The following CMIP variants were observed in gnomAD, a reference collection of about 807,000 sequenced individuals.
CMIP encodes C-Maf-inducing protein.
In CMIP, 13 loss-of-function variants were observed where a neutral mutation model predicts 97.3. The ratio of observed to expected loss-of-function variants is 0.13; its 90% CI spans 0.09 to 0.21. The LOEUF (loss-of-function observed/expected upper bound fraction) is 0.21. Among genes scored for constraint, CMIP ranks in the 10% least tolerant of loss-of-function variants. CMIP has a pLI of 1.00. For missense variants in CMIP, 847 were observed against 1,024.9 expected, an observed-to-expected ratio of 0.83 and a Z score of 2.37; for synonymous variants, 538 against 436.3, an observed-to-expected ratio of 1.23 and a Z score of -2.91.
intron 1 of CMIP, among the ~76,000 whole-genome samples, chr16:81,487,741 A>G (rs2089340769): frequency 6.6e-6 from 1 of 152,216 alleles, no homozygotes; most frequent in African/African-American, 2.4e-5. Flanking sequence ...GTGAGGATTA[A>G]AGGAAAAAAC....
intron 1 of CMIP, among the ~76,000 whole-genome samples, chr16:81,490,588 C>G (rs1226320030): frequency 6.6e-6 from 1 of 152,188 alleles, no homozygotes; most frequent in African/African-American, 2.4e-5. Context: ...CCATCGCACT[C>G]TAGCCTGGGC....
chr16:81,687,978 T>C (rs981103893), intron 10 of CMIP, among the ~76,000 whole-genome samples: 1 of 152,222 alleles, frequency 6.6e-6, no homozygotes, highest in Non-Finnish European at 1.5e-5. Flanking sequence ...GTAGATCCCA[T>C]GAGCGAACAC....
At chr16:81,484,061 G>A (rs555273788) in intron 1 of CMIP, among the ~76,000 whole-genome samples, 3 of 152,142 alleles carry the variant, frequency 2.0e-5, no homozygotes, top group Admixed American at 6.5e-5. Context: ...GGGTTTCTGC[G>A]AGATGTGAGA....
intron 2 of CMIP, among the ~76,000 whole-genome samples, chr16:81,610,821 G>A (rs566073391): frequency 2.6e-5 from 4 of 152,248 alleles, no homozygotes; most frequent in South Asian, 2.1e-4. Flanking sequence ...CTTTTGTGAC[G>A]GGTGGCAGGA....
At chr16:81,645,651 T>TGACTCTGCCAGACGGGAAGCAGGA (rs2092356353) in intron 3 of CMIP, 2 of 1,526,980 alleles carry the variant, frequency 1.3e-6, no homozygotes, top group Middle Eastern at 1.7e-4. Flanking sequence ...CTGGAGTGGC[T>TGACTCTGCCAGACGGGAAGCAGGA]GACTCTGCCA....
chr16:81,553,510 G>C (rs1567575358), intron 1 of CMIP, among the ~76,000 whole-genome samples: 4 of 151,998 alleles, frequency 2.6e-5, no homozygotes, highest in South Asian at 2.1e-4. Context: ...TCCAAACAGA[G>C]CCCACTGCCT....
At chr16:81,662,204 C>G (rs528832828) in intron 6 of CMIP, among the ~76,000 whole-genome samples, 1 of 152,196 alleles carries the variant, frequency 6.6e-6, no homozygotes, top group Non-Finnish European at 1.5e-5. Context: ...TTAACCCAAA[C>G]CTGCCCCATG....
At chr16:81,661,949 G>T (rs566748695) in intron 6 of CMIP, among the ~76,000 whole-genome samples, 2 of 152,236 alleles carry the variant, frequency 1.3e-5, no homozygotes, top group Admixed American at 1.3e-4. Flanking sequence ...TCCTTAATGT[G>T]GGCATGTGCA....
At chr16:81,539,444 G>C (rs1040511959) in intron 1 of CMIP, among the ~76,000 whole-genome samples, 2 of 152,178 alleles carry the variant, frequency 1.3e-5, no homozygotes, top group African/African-American at 4.8e-5. Context: ...GCACAGATCT[G>C]CTCAATCATT....
intron 1 of CMIP, among the ~76,000 whole-genome samples, chr16:81,467,269 C>T (rs960184745): frequency 2.0e-5 from 3 of 152,184 alleles, no homozygotes; most frequent in Non-Finnish European, 4.4e-5. Context: ...TGTTCCCATC[C>T]CAGATGAGGC....
At chr16:81,451,216 T>C (rs901314269) in intron 1 of CMIP, among the ~76,000 whole-genome samples, 1 of 152,196 alleles carries the variant, frequency 6.6e-6, no homozygotes. Context: ...CATGGGGCGC[T>C]TTCCCCCATA....
chr16:81,488,775 T>A (rs892991030), intron 1 of CMIP, among the ~76,000 whole-genome samples: 1 of 152,158 alleles, frequency 6.6e-6, no homozygotes, highest in African/African-American at 2.4e-5. Flanking sequence ...CTCCTGGCTC[T>A]TCGCTGTTCT....
chr16:81,551,595 A>T (rs1429708486), intron 1 of CMIP, among the ~76,000 whole-genome samples: 7 of 152,208 alleles, frequency 4.6e-5, no homozygotes, highest in Admixed American at 4.6e-4. Flanking sequence ...CGTGTGCAGT[A>T]TGTGGGAGCT....
chr16:81,684,070 A>T (rs763634280), intron 10 of CMIP, among the ~76,000 whole-genome samples: 1 of 152,076 alleles, frequency 6.6e-6, no homozygotes, highest in African/African-American at 2.4e-5. Context: ...CTGTTTGGAA[A>T]CTTTAAACTG....
intron 1 of CMIP, among the ~76,000 whole-genome samples, chr16:81,570,130 G>C (rs903463346): frequency 6.6e-6 from 1 of 152,202 alleles, no homozygotes; most frequent in African/African-American, 2.4e-5. Flanking sequence ...GGCTTGTCTG[G>C]ATCCTTGTTT....
At chr16:81,504,154 C>A (rs774725794) in intron 1 of CMIP, among the ~76,000 whole-genome samples, 6 of 151,224 alleles carry the variant, frequency 4.0e-5, no homozygotes, top group Non-Finnish European at 7.4e-5. Context: ...GGTGAAACCC[C>A]CTCTCTACTA....
chr16:81,521,621 C>T (rs879676449), intron 1 of CMIP, among the ~76,000 whole-genome samples: 3 of 152,166 alleles, frequency 2.0e-5, no homozygotes, highest in Non-Finnish European at 4.4e-5. Flanking sequence ...CTGTGCGGAG[C>T]TTCTTCAAAA....
chr16:81,682,009 C>T (rs1239914966), intron 10 of CMIP, among the ~76,000 whole-genome samples: 1 of 151,436 alleles, frequency 6.6e-6, no homozygotes, highest in Non-Finnish European at 1.5e-5. Context: ...TCAAGACCAG[C>T]CTGGCCAACG....
chr16:81,664,953 C>T (rs1431046497), intron 7 of CMIP: 1 of 154,270 alleles, frequency 6.5e-6, no homozygotes, highest in Non-Finnish European at 1.4e-5. Context: ...GGACAGTCTA[C>T]AAAGTACCTG....
Sources: allele counts gnomAD v4.1 joint callset (sites outside exome capture counted in the v4.1 genomes callset), GRCh38; gene constraint gnomAD v4.1.1; transcripts MANE v1.5; gene names NCBI Gene and HGNC (gene_info 2026-07-23, HGNC 2026-07-21).